Variants in CORO2B observed in about 807,000 individuals in gnomAD.
CORO2B encodes the protein coronin-2B.
Under a neutral mutation model 58.8 loss-of-function variants are expected in CORO2B, and 26 were observed. The ratio of observed to expected loss-of-function variants is 0.44; its 90% CI spans 0.32 to 0.61. The LOEUF is 0.61. CORO2B is among the 20% of genes least tolerant of loss of function. The probability of loss-of-function intolerance (pLI) is 0.04; values close to 1 mark genes in which losing one functional copy is unlikely to be tolerated. For missense variants in CORO2B, 460 were observed against 645.1 expected, an observed-to-expected ratio of 0.71 and a Z score of 3.11; for synonymous variants, 242 against 253.8, an observed-to-expected ratio of 0.95 and a Z score of 0.44.
At chr15:68,574,757 A>G (rs1253482992), upstream of CORO2B, among the ~76,000 whole-genome samples, 1 of 152,244 alleles carries the variant, frequency 6.6e-6, no homozygotes, top group Non-Finnish European at 1.5e-5. Context: ...ATATTTCATT[A>G]TGATTATAAT....
At chr15:68,631,137 G>A (rs1278361840) in intron 1 of CORO2B, among the ~76,000 whole-genome samples, 1 of 152,162 alleles carries the variant, frequency 6.6e-6, no homozygotes, top group Non-Finnish European at 1.5e-5. Context: ...TTCTCCAGGA[G>A]CTTGTCCCAG....
chr15:68,673,777 C>G (rs1316738723), intron 2 of CORO2B, among the ~76,000 whole-genome samples: 4 of 142,972 alleles, frequency 2.8e-5, no homozygotes, highest in African/African-American at 1.0e-4. Flanking sequence ...ACAGAGTTTG[C>G]AGTGAGCCGA....
intron 1 of CORO2B, among the ~76,000 whole-genome samples, chr15:68,637,977 A>G (rs1901085887): frequency 6.6e-6 from 1 of 152,164 alleles, no homozygotes; most frequent in African/African-American, 2.4e-5. Flanking sequence ...TTCCATGTGG[A>G]GTGTACATAG....
chr15:68,545,775 T>C, the CORO2B span, among the ~76,000 whole-genome samples: 1 of 152,162 alleles, frequency 6.6e-6, no homozygotes, highest in African/African-American at 2.4e-5. Flanking sequence ...AAATGAGGCA[T>C]GCCTGGGAGG....
At chr15:68,548,909 A>AGG in the CORO2B span, among the ~76,000 whole-genome samples, 1,518 of 152,294 alleles carry the variant, frequency 1.0e-2, 26 homozygotes, top group African/African-American at 0.034. Flanking sequence ...ATCGATTGAC[A>AGG]GGAGTTCTTT....
intron 3 of CORO2B, among the ~76,000 whole-genome samples, chr15:68,702,102 G>T (rs1041102924): frequency 6.6e-6 from 1 of 152,054 alleles, no homozygotes; most frequent in African/African-American, 2.4e-5. Flanking sequence ...AGGGGGTTGG[G>T]TCCAGCCCAG....
chr15:68,615,164 C>G (rs1046988988), intron 1 of CORO2B, among the ~76,000 whole-genome samples: 1 of 152,190 alleles, frequency 6.6e-6, no homozygotes, highest in East Asian at 1.9e-4. Context: ...CTCCACCTCC[C>G]AGGGCTCCTA....
intron 2 of CORO2B, among the ~76,000 whole-genome samples, chr15:68,688,317 G>T (rs1406740383): frequency 3.3e-5 from 5 of 152,028 alleles, no homozygotes; most frequent in African/African-American, 9.7e-5. Context: ...TTGTAGATTG[G>T]TTTTTTTAGA....
At chr15:68,551,159 T>C in the CORO2B span, among the ~76,000 whole-genome samples, 3 of 151,864 alleles carry the variant, frequency 2.0e-5, no homozygotes, top group African/African-American at 7.3e-5. Flanking sequence ...CTTTCCAAAG[T>C]GGGCAGACAG....
Position 68,695,255 on chromosome 15 carries a change from C to G in CORO2B, c.332C>G (p.Ser111Trp). The G allele has an allele frequency of 6.2e-7, 1 of 1,612,352 alleles. No individual in the cohort carries two copies. Among genetic ancestry groups the G allele is most frequent in the Non-Finnish European group, 8.5e-7 (1 of 1,178,664 alleles). The change falls in exon 3 of 12, where the codon TCG becomes TGG. Residue 111 changes from serine (S) to tryptophan (W), a missense_variant and splice_region_variant. Ser to Trp is a radical substitution (Grantham distance 177). This residue lies in a region of CORO2B where 352 missense variants were observed against 543.0 expected (regional missense o/e 0.65). Transcript: ENST00000261861. ...ATTGCCTCGTGCTCGGAGGACACGT[C>G]GGTGAGCAGAGGGGTGCTCCCGGAG... Reference protein sequence around the residue: ...NIIASCSEDTSVRIWEIPEGG... With the variant: ...NIIASCSEDTWVRIWEIPEGG...
intron 1 of CORO2B, among the ~76,000 whole-genome samples, chr15:68,619,474 G>A (rs1413542976): frequency 6.6e-6 from 1 of 152,154 alleles, no homozygotes; most frequent in Non-Finnish European, 1.5e-5. Context: ...TGGGGCTTCT[G>A]TCGTGGTGCT....
the CORO2B span, among the ~76,000 whole-genome samples, chr15:68,542,438 T>A: frequency 6.6e-6 from 1 of 152,394 alleles, no homozygotes; most frequent in South Asian, 2.1e-4. Flanking sequence ...TTGCTGCCAC[T>A]GAATCTCTAA....
At chr15:68,646,729 G>C (rs1252677723) in intron 2 of CORO2B, among the ~76,000 whole-genome samples, 1 of 152,172 alleles carries the variant, frequency 6.6e-6, no homozygotes. Context: ...CATCTGTCAT[G>C]TTGGCCTTAA....
chr15:68,678,278 G>GGGAGGA (rs1471663173), intron 2 of CORO2B, among the ~76,000 whole-genome samples: 1 of 152,146 alleles, frequency 6.6e-6, no homozygotes, highest in Non-Finnish European at 1.5e-5. Context: ...TAAGAGCAGG[G>GGGAGGA]GGAGGAGGAG....
intron 3 of CORO2B, among the ~76,000 whole-genome samples, chr15:68,698,660 A>C (rs1357719619): frequency 6.6e-6 from 1 of 152,074 alleles, no homozygotes; most frequent in Admixed American, 6.5e-5. Flanking sequence ...CAGCTTCACC[A>C]TTTACCATCT....
the CORO2B span, chr15:68,559,656 G>C: frequency 1.0e-6 from 1 of 985,076 alleles, no homozygotes; most frequent in Middle Eastern, 5.2e-4. The surrounding 1 kb of genome is among the most constrained non-coding windows in gnomAD (Gnocchi z 4.3). Flanking sequence ...CCCTTTCCCT[G>C]TCTGGGCCTC....
chr15:68,549,396 G>T, the CORO2B span, among the ~76,000 whole-genome samples: 8 of 152,116 alleles, frequency 5.3e-5, no homozygotes, highest in Admixed American at 4.6e-4. Flanking sequence ...TTGGTTGGTT[G>T]GTTTTTGTCT....
the CORO2B span, among the ~76,000 whole-genome samples, chr15:68,573,476 G>T: frequency 2.8e-3 from 420 of 152,236 alleles, 3 homozygotes; most frequent in Non-Finnish European, 5.3e-3. Flanking sequence ...CCTCTGCCAG[G>T]CCAGAGAGCA....
At chr15:68,672,932 G>A (rs1011954922) in intron 2 of CORO2B, among the ~76,000 whole-genome samples, 9 of 152,134 alleles carry the variant, frequency 5.9e-5, no homozygotes, top group Admixed American at 5.9e-4. Flanking sequence ...GATCAGATGC[G>A]CCTAATGGGG....
Sources: allele counts gnomAD v4.1 joint callset (sites outside exome capture counted in the v4.1 genomes callset), GRCh38; gene constraint gnomAD v4.1.1; regional missense constraint gnomAD v4.1.1; non-coding constraint Gnocchi (gnomAD v3.1); transcripts MANE v1.5; gene names NCBI Gene and HGNC (gene_info 2026-07-23, HGNC 2026-07-21).